TDRD3: variants seen among roughly 807,000 people sequenced by gnomAD.
The protein encoded by TDRD3 is tudor domain containing 3.
In TDRD3, 45 loss-of-function variants were observed where a neutral mutation model predicts 86.7. That is an observed-to-expected ratio of 0.52 (90% confidence interval 0.41 to 0.67). The LOEUF is 0.67. Among genes scored for constraint, TDRD3 ranks in the 30% least tolerant of loss-of-function variants. The pLI, the probability that TDRD3 is intolerant of heterozygous loss-of-function variation, is 0.00. For synonymous variants in TDRD3, 298 were observed against 301.7 expected (o/e 0.99, Z 0.13); for missense variants, 814 against 889.0 (o/e 0.92, Z 1.07).
intron 1 of TDRD3, among the ~76,000 whole-genome samples, chr13:60,426,456 A>G (rs141203696): frequency 9.8e-5 from 15 of 152,314 alleles, no homozygotes; most frequent in African/African-American, 3.6e-4. Flanking sequence ...GAGATGATAG[A>G]TATGTTAATA....
chr13:60,420,837 G>A lies in TDRD3; in HGVS notation c.42-18851G>A, dbSNP rs568748827. ...CGGGCGCCTGTAGTCCCAGCTACTCGGGAGGCTGAGGCAGGAAAATGGCAT... is the reference window on the plus strand; with the variant it reads ...CGGGCGCCTGTAGTCCCAGCTACTCAGGAGGCTGAGGCAGGAAAATGGCAT... On this transcript the variant is annotated intron_variant, in intron 1 of 13. Coordinates refer to ENST00000377881, the MANE Select transcript of TDRD3 (RefSeq NM_001146070.2). 6.6e-5 allele frequency among the ~76,000 whole-genome samples: 10 copies of A among 152,166 alleles called. No homozygotes were observed. The South Asian group carries it at 1.7e-3, about 25-fold the overall frequency.
intron 12 of TDRD3, among the ~76,000 whole-genome samples, chr13:60,560,611 A>G (rs888730317): frequency 6.6e-6 from 1 of 152,098 alleles, no homozygotes; most frequent in Non-Finnish European, 1.5e-5. Context: ...TTCTAGTGTC[A>G]TTTAAAAATT....
At position 60,443,188 on chromosome 13, in the gene TDRD3, T is replaced by A. The variant is rs764145229; in HGVS notation, c.127-1495T>A. 8.9e-4 allele frequency among the ~76,000 whole-genome samples: 136 copies of A among 152,108 alleles called. 1 individual carries two copies. The Middle Eastern group carries it at 0.01, about 11-fold the overall frequency. ...TTATTGAGTGCTTACTCTGTGCAAGTCATTATACTGAGTGCTTCACATCTA... is the reference window on the plus strand; with the variant it reads ...TTATTGAGTGCTTACTCTGTGCAAGACATTATACTGAGTGCTTCACATCTA... On this transcript the variant is annotated intron_variant, in intron 2 of 13. Coordinates refer to ENST00000377881, the MANE Select transcript of TDRD3 (RefSeq NM_001146070.2).
chr13:60,540,009 GT>G (rs1341246180), intron 12 of TDRD3, among the ~76,000 whole-genome samples: 1 of 152,094 alleles, frequency 6.6e-6, no homozygotes, highest in East Asian at 1.9e-4. Context: ...ATGTAACAGT[GT>G]GGTTTTGCCA....
At chr13:60,482,044 T>G (rs369673639) in intron 5 of TDRD3, among the ~76,000 whole-genome samples, 1 of 152,228 alleles carries the variant, frequency 6.6e-6, no homozygotes, top group African/African-American at 2.4e-5. Flanking sequence ...CTGCATGGTC[T>G]GATCTGGCTG....
intron 5 of TDRD3, among the ~76,000 whole-genome samples, chr13:60,481,071 G>A (rs1359240430): frequency 6.6e-6 from 1 of 152,170 alleles, no homozygotes; most frequent in Non-Finnish European, 1.5e-5. Context: ...ACAAATTCTG[G>A]CAGGAGGCTG....
chr13:60,568,718 A>G (rs966784214), intron 13 of TDRD3, among the ~76,000 whole-genome samples: 1 of 152,228 alleles, frequency 6.6e-6, no homozygotes, highest in Admixed American at 6.5e-5. Context: ...TATTCAACAT[A>G]GTTGAATAAA....
At chr13:60,564,352 G>A (rs4297583) in intron 12 of TDRD3, among the ~76,000 whole-genome samples, 42,550 of 151,926 alleles carry the variant, frequency 0.28, 6,148 homozygotes, top group South Asian at 0.34. Flanking sequence ...TTTGGTCAAG[G>A]CGGGACAACT....
At chr13:60,423,695 A>C (rs1480296683) in intron 1 of TDRD3, among the ~76,000 whole-genome samples, 1 of 152,162 alleles carries the variant, frequency 6.6e-6, no homozygotes, top group Non-Finnish European at 1.5e-5. Flanking sequence ...AAGTATTTTA[A>C]AAAATTGTAA....
chr13:60,504,346 G>A (rs1432909476), intron 8 of TDRD3, among the ~76,000 whole-genome samples: 2 of 152,188 alleles, frequency 1.3e-5, no homozygotes, highest in African/African-American at 4.8e-5. Flanking sequence ...AGTTTTAATT[G>A]TGTACCAGGT....
Position 60,397,321 on chromosome 13 carries a change from A to AAAC in TDRD3, c.-44_-43insAAC. On this transcript the variant is annotated 5_prime_UTR_variant, in exon 1 of 14. Coordinates refer to ENST00000377881, the MANE Select transcript of TDRD3 (RefSeq NM_001146070.2). ...GTCTCAAGTAGGAGGCCTCCCCATC[A>AAAC]CCCCCACCCCAGCCCCCCACCACCC... 9.0e-6 allele frequency: 10 copies of AAAC among 1,113,164 alleles called. No homozygotes were observed. Among genetic ancestry groups the AAAC allele is most frequent in the Non-Finnish European group, 1.2e-5 (10 of 829,450 alleles). 69.0% of individuals were successfully genotyped at this position (1,113,164 alleles called of 1,614,324 possible). A position where few individuals can be genotyped will look rare whatever the true frequency, so the allele number is the denominator to read the frequency against.
intron 4 of TDRD3, among the ~76,000 whole-genome samples, chr13:60,461,561 C>T (rs1019650138): frequency 1.3e-5 from 2 of 152,104 alleles, no homozygotes; most frequent in African/African-American, 2.4e-5. Flanking sequence ...GTTTGCAGCT[C>T]GGGCTCCTCT....
At chr13:60,402,619 ACTC>A (rs1300923751) in intron 1 of TDRD3, among the ~76,000 whole-genome samples, 1 of 150,688 alleles carries the variant, frequency 6.6e-6, no homozygotes, top group Non-Finnish European at 1.5e-5. Flanking sequence ...AGCTTGGTAT[ACTC>A]TTTTGGAAAG....
At chr13:60,501,396 G>T (rs1157114274) in intron 8 of TDRD3, among the ~76,000 whole-genome samples, 2 of 152,128 alleles carry the variant, frequency 1.3e-5, no homozygotes, top group Non-Finnish European at 2.9e-5. Context: ...CATTCCGATG[G>T]GTTGTAATAC....
chr13:60,432,835 G>A (rs1191984247), intron 1 of TDRD3, among the ~76,000 whole-genome samples: 1 of 151,910 alleles, frequency 6.6e-6, no homozygotes, highest in Admixed American at 6.6e-5. Context: ...TTTTCTTTGT[G>A]GCTAAGCAAG....
intron 10 of TDRD3, among the ~76,000 whole-genome samples, chr13:60,527,538 T>G (rs1395364509): frequency 6.6e-6 from 1 of 152,204 alleles, no homozygotes; most frequent in Non-Finnish European, 1.5e-5. Context: ...GTAATCATGT[T>G]ATAGACATGC....
intron 3 of TDRD3, among the ~76,000 whole-genome samples, chr13:60,459,715 G>A (rs1683540039): frequency 6.6e-6 from 1 of 152,194 alleles, no homozygotes; most frequent in Non-Finnish European, 1.5e-5. Flanking sequence ...CCATTTCCCG[G>A]ATTCAAGTGA....
At chr13:60,520,247 G>C (rs891189739) in intron 10 of TDRD3, among the ~76,000 whole-genome samples, 4 of 152,134 alleles carry the variant, frequency 2.6e-5, no homozygotes, top group African/African-American at 9.7e-5. Flanking sequence ...TACCATGCCA[G>C]ATTAAAACTA....
At chr13:60,503,022 C>A (rs541060657) in intron 8 of TDRD3, among the ~76,000 whole-genome samples, 1 of 152,242 alleles carries the variant, frequency 6.6e-6, no homozygotes, top group South Asian at 2.1e-4. Flanking sequence ...TCACAGAATA[C>A]CTTATTCAAT....
Sources: allele counts gnomAD v4.1 joint callset (sites outside exome capture counted in the v4.1 genomes callset), GRCh38; gene constraint gnomAD v4.1.1; transcripts MANE v1.5; gene names NCBI Gene and HGNC (gene_info 2026-07-23, HGNC 2026-07-21).